EVC2: variants seen among roughly 807,000 people sequenced by gnomAD.
The protein encoded by EVC2 is limbin.
A neutral mutation model predicts 149.3 loss-of-function variants in EVC2; 148 were observed. The ratio of observed to expected loss-of-function variants is 0.99; its 90% CI spans 0.87 to 1.14. EVC2 has a LOEUF of 1.14. Ranked by LOEUF, EVC2 falls within the 50% of genes most tolerant of loss-of-function variation. EVC2 has a pLI of 0.00. For missense variants in EVC2, 1,854 were observed against 1,627.3 expected (o/e 1.14, Z -2.40); for synonymous variants, 776 against 649.9 (o/e 1.19, Z -2.95).
chr4:5,554,210 C>A (rs749831313), intron 21 of EVC2, among the ~76,000 whole-genome samples: 5 of 152,140 alleles, frequency 3.3e-5, no homozygotes, highest in African/African-American at 4.8e-5. Context: ...AGAACTGAGA[C>A]CACAAAGCCA....
At position 5,631,995 on chromosome 4, in the gene EVC2, T is replaced by C. The variant is rs1208821826; in HGVS notation, c.1508A>G (p.His503Arg). Residue 503 changes from histidine (H) to arginine (R), a missense_variant, in exon 11 of 22, where the codon CAT (histidine) becomes CGT (arginine). Transcript: ENST00000344408. Reference protein sequence around the residue: ...VECSNLLRTLHGLEQEHLRKS... With the variant: ...VECSNLLRTLRGLEQEHLRKS... ...CCTCAAGTGCTCCTGTTCCAGGCCA[T>C]GGAGGGTCCGCAGAAGGTTGCTGCA... The C allele has an allele frequency of 1.9e-6, 3 of 1,614,162 alleles. No homozygotes were observed. The highest frequency in any genetic ancestry group is 4.5e-5 in the East Asian group (2 of 44,860).
intron 6 of EVC2, among the ~76,000 whole-genome samples, chr4:5,681,792 T>C (rs1394303898): frequency 1.3e-5 from 2 of 152,194 alleles, no homozygotes; most frequent in African/African-American, 2.4e-5. Flanking sequence ...GCTGAGAAGA[T>C]ACAGGAAACA....
chr4:5,700,970 C>A (rs1211388163), intron 1 of EVC2, among the ~76,000 whole-genome samples: 2 of 152,254 alleles, frequency 1.3e-5, no homozygotes, highest in African/African-American at 4.8e-5. Flanking sequence ...CATTTATTCT[C>A]TGATAGTTCT....
Position 5,614,447 on chromosome 4 carries a change from G to C in EVC2, c.2829+975C>G, listed in dbSNP as rs1420300540. On this transcript the variant is annotated intron_variant, in intron 16 of 21. Coordinates refer to ENST00000344408, the MANE Select transcript of EVC2 (RefSeq NM_147127.5). The surrounding 1 kb of genome is among the most constrained non-coding windows in gnomAD (Gnocchi z 4.7). ...TGTGGAACAAATTAACCATGTGATA[G>C]GTGCTATGGTAAGGAAGAGTTGGAA... Among the ~76,000 whole-genome samples the C allele has an allele frequency of 2.0e-5, 3 of 152,164 alleles. No individual in the cohort carries two copies. The highest frequency in any genetic ancestry group is 4.4e-5 in the Non-Finnish European group (3 of 68,034).
At chr4:5,601,659 T>C (rs749319157) in intron 16 of EVC2, among the ~76,000 whole-genome samples, 1 of 152,126 alleles carries the variant, frequency 6.6e-6, no homozygotes, top group South Asian at 2.1e-4. Flanking sequence ...AAACTATCAG[T>C]TGAGTATGAG....
At chr4:5,656,770 T>C (rs759087933) in intron 9 of EVC2, among the ~76,000 whole-genome samples, 3 of 152,208 alleles carry the variant, frequency 2.0e-5, no homozygotes, top group Non-Finnish European at 2.9e-5. Context: ...GATTTGGGAC[T>C]CTGGCCTCCA....
chr4:5,687,491 G>A (rs1362179359), intron 5 of EVC2, among the ~76,000 whole-genome samples: 1 of 152,064 alleles, frequency 6.6e-6, no homozygotes, highest in Non-Finnish European at 1.5e-5. Flanking sequence ...TTCACGTGTG[G>A]AAAGTGCCTA....
In EVC2 at chr4:5,640,940, C is replaced by T; in HGVS notation, c.1146-102G>A. 7.6e-7 allele frequency: 1 copy of T among 1,314,242 alleles called. No individual in the cohort carries two copies. Among genetic ancestry groups the T allele is most frequent in the South Asian group, 1.2e-5 (1 of 83,370 alleles). 81.4% of individuals were successfully genotyped at this position (1,314,242 alleles called of 1,614,324 possible). A position where few individuals can be genotyped will look rare whatever the true frequency, so the allele number is the denominator to read the frequency against. ...GTTTTCATTTATGTGTAGGCAAGGG[C>T]TTTCTTCGTCTTCCTTTTCTTCCTT... On this transcript the variant is annotated intron_variant, in intron 9 of 21. Coordinates refer to ENST00000344408, the MANE Select transcript of EVC2 (RefSeq NM_147127.5). The surrounding 1 kb of genome is among the most constrained non-coding windows in gnomAD (Gnocchi z 4.6).
intron 8 of EVC2, among the ~76,000 whole-genome samples, chr4:5,664,481 C>A (rs578190788): frequency 3.3e-5 from 5 of 152,212 alleles, no homozygotes; most frequent in African/African-American, 1.2e-4. Context: ...GACATCAAAG[C>A]AGCAGGGTGC....
At chr4:5,575,571 C>CA (rs1424938068) in intron 18 of EVC2, among the ~76,000 whole-genome samples, 1 of 152,184 alleles carries the variant, frequency 6.6e-6, no homozygotes, top group African/African-American at 2.4e-5. Context: ...TATTTCCTTC[C>CA]AATTAGCGTG....
chr4:5,553,911 AC>A (rs1303893856), intron 21 of EVC2, among the ~76,000 whole-genome samples: 1 of 152,208 alleles, frequency 6.6e-6, no homozygotes, highest in Non-Finnish European at 1.5e-5. Flanking sequence ...GGAAAAGATG[AC>A]CCATATGCAT....
In EVC2 at chr4:5,622,644, C is replaced by T. The variant is rs147173201; in HGVS notation, c.2394G>A (p.Arg798=). ...TCACGCTCTGGACACCCTCCTGGTC[C>T]CTGTCCCTCTCCTCCCCCTCCAGCT... ...AEQLEGEERD[R]DQEGVQSVRQ... is the part of the protein sequence containing the mutation. Residue 798 remains arginine (R), a synonymous_variant, in exon 14 of 22, where the codon AGG becomes AGA. Transcript: ENST00000344408. The surrounding 1 kb of genome is among the most constrained non-coding windows in gnomAD (Gnocchi z 5.8). 9.9e-4 allele frequency: 1,598 copies of T among 1,614,086 alleles called. 10 individuals carry two copies. In the East Asian group the frequency reaches 0.011, roughly 11 times the overall value.
rs1339811163 is a variant in EVC2 at position 5,637,501 on chromosome 4, TAAGG to T, written c.1470+3009_1470+3012del. Among the ~76,000 whole-genome samples, 8 of 152,322 alleles carry T rather than the reference TAAGG, an allele frequency of 5.3e-5. No individual in the cohort carries two copies. In the East Asian group the frequency reaches 1.2e-3, roughly 22 times the overall value. On this transcript the variant is annotated intron_variant, in intron 10 of 21. Coordinates refer to ENST00000344408, the MANE Select transcript of EVC2 (RefSeq NM_147127.5). This position sits in a 1 kb window ranked among gnomAD's most constrained non-coding sequence, Gnocchi z 4.4. ...ACAATGCCAGACACACCATGCATGC[TAAGG>T]AAGGATGAGCTGTTATTGTTACACA...
chr4:5,532,048 G>A, the EVC2 span, among the ~76,000 whole-genome samples: 284 of 152,192 alleles, frequency 1.9e-3, 1 homozygote, highest in Middle Eastern at 6.8e-3. Flanking sequence ...ACTTTCATGG[G>A]TTTAACTAAA....
rs1350057353 is a variant in EVC2, at chr4:5,636,001, T to C, written c.1471-3969A>G. On this transcript the variant is annotated intron_variant, in intron 10 of 21. Coordinates refer to ENST00000344408, the MANE Select transcript of EVC2 (RefSeq NM_147127.5). The surrounding 1 kb of genome is among the most constrained non-coding windows in gnomAD (Gnocchi z 4.6). ...CATCTTTAAAAATTACATTCAGTTA[T>C]GAATCATAATAAACCCTTGTCCAAG... Among the ~76,000 whole-genome samples, 1 of 152,234 alleles carries C rather than the reference T, an allele frequency of 6.6e-6. No individual in the cohort carries two copies. Among genetic ancestry groups the C allele is most frequent in the Non-Finnish European group, 1.5e-5 (1 of 68,040 alleles).
At position 5,681,328 on chromosome 4, in the gene EVC2, A is replaced by C. The variant is rs546058680; in HGVS notation, c.817-15T>G. The stretch of plus-strand genomic sequence containing the variant: ...TGTGTTCTGTTCTAGAAAAGGAAAA[A>C]AGAAAACACTTTCAGCAACAGTTTG... On this transcript the variant is annotated splice_polypyrimidine_tract_variant and intron_variant, in intron 6 of 21. Coordinates refer to ENST00000344408, the MANE Select transcript of EVC2 (RefSeq NM_147127.5). The C allele has an allele frequency of 4.3e-6, 7 of 1,614,200 alleles. No homozygotes were observed. In the East Asian group the frequency reaches 1.6e-4, roughly 36 times the overall value.
intron 2 of EVC2, 60 bp from the exon 3 acceptor site, chr4:5,694,561 T>C: frequency 2.5e-6 from 4 of 1,599,730 alleles, no homozygotes; most frequent in South Asian, 1.1e-5. Flanking sequence ...ACATAGAACT[T>C]AACCTCTAGA....
In EVC2 at chr4:5,631,885, T is replaced by A; in HGVS notation, c.1618A>T (p.Ile540Phe). 1 of 1,614,258 alleles carries A rather than the reference T, an allele frequency of 6.2e-7. No homozygotes were observed. The highest frequency in any genetic ancestry group is 8.5e-7 in the Non-Finnish European group (1 of 1,180,046). The change falls in exon 11 of 22, where the codon ATC (isoleucine) becomes TTC (phenylalanine). Residue 540 changes from isoleucine to phenylalanine, a missense_variant. By Grantham distance (21) the Ile-to-Phe change is conservative. Transcript: ENST00000344408. ...GCACTTTTTATCTGGGTAAAAAAGA[T>A]ACTGTGCAGTTCATTTCTCTGGAAA... The part of the protein sequence containing the change: ...AVFQRNELHS[I>F]FFTQIKSAIF...
At chr4:5,691,944 G>A (rs1387897735) in intron 3 of EVC2, among the ~76,000 whole-genome samples, 4 of 152,170 alleles carry the variant, frequency 2.6e-5, no homozygotes, top group African/African-American at 9.7e-5. Context: ...ACAAATATCT[G>A]TTCATTTCTG....
Sources: gnomAD v4.1 joint callset for allele counts (sites outside exome capture counted in the v4.1 genomes callset) on GRCh38, gnomAD v4.1.1 for gene constraint, Gnocchi (gnomAD v3.1) non-coding constraint, MANE v1.5 for transcripts, NCBI Gene and HGNC (gene_info 2026-07-23, HGNC 2026-07-21) for gene names.